PTPRD: variants seen among roughly 807,000 people sequenced by gnomAD.
The protein encoded by PTPRD is protein tyrosine phosphatase receptor type D.
Under a neutral mutation model 214.5 loss-of-function variants are expected in PTPRD, and 34 were observed. The observed-to-expected ratio is 0.16, with a 90% confidence interval of 0.12 to 0.21. The LOEUF (loss-of-function observed/expected upper bound fraction) is 0.21. Among genes scored for constraint, PTPRD ranks in the 10% least tolerant of loss-of-function variants. The pLI is 1.00. For synonymous variants in PTPRD, 1,128 were observed against 845.7 expected (o/e 1.33, Z -5.79); for missense variants, 2,545 against 2,398.7 (o/e 1.06, Z -1.27).
At chr9:8,935,126 T>C (rs749543964) in intron 11 of PTPRD, among the ~76,000 whole-genome samples, 2 of 152,128 alleles carry the variant, frequency 1.3e-5, no homozygotes, top group African/African-American at 2.4e-5. Context: ...GCAGTGAACA[T>C]AGGTACACAG....
At chr9:10,317,362 T>C (rs1351727099) in intron 3 of PTPRD, among the ~76,000 whole-genome samples, 1 of 152,000 alleles carries the variant, frequency 6.6e-6, no homozygotes, top group African/African-American at 2.4e-5. Flanking sequence ...AATATTTCAA[T>C]TTTACTTTTG....
chr9:10,077,466 A>G (rs1454691176), intron 3 of PTPRD, among the ~76,000 whole-genome samples: 1 of 152,148 alleles, frequency 6.6e-6, no homozygotes, highest in Non-Finnish European at 1.5e-5. Flanking sequence ...CAGAATCTGT[A>G]TTTAAACACT....
intron 9 of PTPRD, among the ~76,000 whole-genome samples, chr9:9,376,614 T>G (rs2060874323): frequency 1.3e-5 from 2 of 152,074 alleles, no homozygotes; most frequent in African/African-American, 4.8e-5. Flanking sequence ...ACTGAAGAGC[T>G]TTAAGATATG....
At chr9:8,699,304 T>G (rs1270464984) in intron 12 of PTPRD, among the ~76,000 whole-genome samples, 6 of 152,024 alleles carry the variant, frequency 3.9e-5, no homozygotes, top group Non-Finnish European at 7.4e-5. Context: ...TTTCAACATA[T>G]CCCCACAGAA....
intron 10 of PTPRD, among the ~76,000 whole-genome samples, chr9:9,097,715 C>T (rs2099785637): frequency 6.6e-6 from 1 of 152,098 alleles, no homozygotes; most frequent in South Asian, 2.1e-4. Flanking sequence ...AGTGCAAATC[C>T]TCTCTGAAGG....
At chr9:9,988,794 A>G (rs1212226635) in intron 4 of PTPRD, among the ~76,000 whole-genome samples, 1 of 152,022 alleles carries the variant, frequency 6.6e-6, no homozygotes, top group African/African-American at 2.4e-5. Flanking sequence ...TCTTTGTTCT[A>G]AAAGGAAGGC....
intron 3 of PTPRD, among the ~76,000 whole-genome samples, chr9:10,149,757 G>A (rs1279836678): frequency 3.4e-5 from 5 of 149,110 alleles, no homozygotes; most frequent in East Asian, 2.0e-4. Context: ...CTGAGATGGA[G>A]TCTTGCTCTG....
intron 7 of PTPRD, among the ~76,000 whole-genome samples, chr9:9,576,086 C>G (rs1454455565): frequency 2.0e-5 from 3 of 152,070 alleles, no homozygotes; most frequent in Admixed American, 1.3e-4. Flanking sequence ...TAGATTGAGT[C>G]TTTTATGTCA....
rs1260915718 is a variant in PTPRD at position 8,497,277 on chromosome 9, G to C, written c.2323-9C>G. The C allele has an allele frequency of 3.1e-6, 5 of 1,592,390 alleles. No individual in the cohort carries two copies. Among genetic ancestry groups the C allele is most frequent in the Admixed American group, 3.6e-5 (2 of 55,916 alleles). Reference sequence around the variant, plus strand: ...GTATCATCAAATTCCCACTGATTGAGAATAAGAAGGTTGGGAGGAAAACAA... The same window carrying C: ...GTATCATCAAATTCCCACTGATTGACAATAAGAAGGTTGGGAGGAAAACAA... On this transcript the variant is annotated splice_polypyrimidine_tract_variant and intron_variant, in intron 25 of 45. Transcript: ENST00000381196.
chr9:10,455,738 G>C (rs2098909588), intron 2 of PTPRD, among the ~76,000 whole-genome samples: 1 of 151,490 alleles, frequency 6.6e-6, no homozygotes, highest in African/African-American at 2.4e-5. Context: ...TAAAACCTTT[G>C]TTCATTAAGT....
chr9:9,183,371 T>C lies in PTPRD; in HGVS notation c.-202-8A>G, dbSNP rs1305491147. On this transcript the variant is annotated splice_polypyrimidine_tract_variant and splice_region_variant and intron_variant, in intron 9 of 45. Coordinates refer to ENST00000381196, the MANE Select transcript of PTPRD (RefSeq NM_002839.4). ...CCTCAAGAAGTTCAAAACCTAATTA[T>C]AAAGATAGAAAGTAACAATTATTTA... 2 of 151,962 alleles carry C rather than the reference T, an allele frequency of 1.3e-5. No homozygotes were observed. The highest frequency in any genetic ancestry group is 1.5e-5 in the Non-Finnish European group (1 of 67,974). The allele number at this position is 151,962 out of a possible 1,614,324, so 9.4% of individuals were successfully genotyped here.
chr9:8,663,734 G>T (rs775269412), intron 12 of PTPRD, among the ~76,000 whole-genome samples: 1 of 151,958 alleles, frequency 6.6e-6, no homozygotes, highest in Non-Finnish European at 1.5e-5. Context: ...CAAATGATCT[G>T]CCCGCCTCGG....
At chr9:9,230,157 T>G (rs2099962183) in intron 9 of PTPRD, among the ~76,000 whole-genome samples, 1 of 152,208 alleles carries the variant, frequency 6.6e-6, no homozygotes, top group African/African-American at 2.4e-5. Context: ...ACACTTGAGT[T>G]TATGCTAATG....
rs188136515 is a variant in PTPRD, at chr9:10,610,036, G to C, written c.-600+2362C>G. Reference sequence around the variant, plus strand: ...CTGCAGACTGCTTATGTATTTCATCGGGCCATTATCTGATCTGAATAACAA... The same window carrying C: ...CTGCAGACTGCTTATGTATTTCATCCGGCCATTATCTGATCTGAATAACAA... On this transcript the variant is annotated intron_variant, in intron 2 of 45. Coordinates refer to ENST00000381196, the MANE Select transcript of PTPRD (RefSeq NM_002839.4). Among the ~76,000 whole-genome samples the C allele has an allele frequency of 9.2e-5, 14 of 152,052 alleles. No homozygotes were observed. In the East Asian group the frequency reaches 2.7e-3, roughly 29 times the overall value.
chr9:8,372,774 T>A (rs891538300), intron 39 of PTPRD, among the ~76,000 whole-genome samples: 3 of 152,042 alleles, frequency 2.0e-5, no homozygotes, highest in African/African-American at 7.2e-5. Context: ...GAATTTCTTT[T>A]ACTTAATGGC....
At chr9:9,139,979 C>G (rs1029410053) in intron 10 of PTPRD, among the ~76,000 whole-genome samples, 7 of 151,856 alleles carry the variant, frequency 4.6e-5, no homozygotes, top group Non-Finnish European at 5.9e-5. Context: ...GTGGGAATAT[C>G]TAGTATAATT....
intron 7 of PTPRD, among the ~76,000 whole-genome samples, chr9:9,720,630 G>A (rs1367218495): frequency 6.6e-6 from 1 of 152,018 alleles, no homozygotes; most frequent in Non-Finnish European, 1.5e-5. Context: ...GAGAAAATCT[G>A]GCTTCATTTG....
At chr9:9,594,932 A>G (rs933272276) in intron 7 of PTPRD, among the ~76,000 whole-genome samples, 50 of 152,188 alleles carry the variant, frequency 3.3e-4, no homozygotes, top group African/African-American at 8.2e-4. Flanking sequence ...TAAGGACATG[A>G]ATAGACAATT....
At chr9:9,902,064 C>T (rs1272930690) in intron 5 of PTPRD, among the ~76,000 whole-genome samples, 2 of 152,164 alleles carry the variant, frequency 1.3e-5, no homozygotes, top group Non-Finnish European at 2.9e-5. Flanking sequence ...CTGGTAAATA[C>T]CTATTGGCTG....
Sources: gnomAD v4.1 joint callset for allele counts (sites outside exome capture counted in the v4.1 genomes callset) on GRCh38, gnomAD v4.1.1 for gene constraint, MANE v1.5 for transcripts, NCBI Gene and HGNC (gene_info 2026-07-23, HGNC 2026-07-21) for gene names.